CTNNA3: variants seen among roughly 807,000 people sequenced by gnomAD.
CTNNA3 encodes catenin alpha-3.
CTNNA3 carries 76 observed loss-of-function variants against 95.7 expected under a neutral mutation model. The ratio of observed to expected loss-of-function variants is 0.79; its 90% CI spans 0.66 to 0.96. The LOEUF is 0.96. CTNNA3 is among the 40% of genes least tolerant of loss of function. The probability of loss-of-function intolerance (pLI) is 0.00; values close to 1 mark genes in which losing one functional copy is unlikely to be tolerated. For missense variants in CTNNA3, 1,191 were observed against 1,089.8 expected (o/e 1.09, Z -1.31); for synonymous variants, 431 against 374.4 (o/e 1.15, Z -1.74).
At chr10:66,316,681 C>T (rs988889314) in intron 12 of CTNNA3, among the ~76,000 whole-genome samples, 15 of 152,054 alleles carry the variant, frequency 9.9e-5, no homozygotes, top group African/African-American at 3.6e-4. Flanking sequence ...GCGAATTCCA[C>T]ACAGACAGTG....
intron 10 of CTNNA3, among the ~76,000 whole-genome samples, chr10:66,551,918 T>TC (rs1842230793): frequency 7.2e-6 from 1 of 139,306 alleles, no homozygotes; most frequent in South Asian, 2.3e-4. Flanking sequence ...TTTTTTTTTT[T>TC]CTGAGACAGA....
chr10:66,225,659 T>G (rs2089245121), intron 13 of CTNNA3, among the ~76,000 whole-genome samples: 1 of 151,718 alleles, frequency 6.6e-6, no homozygotes, highest in Non-Finnish European at 1.5e-5. Flanking sequence ...CATTATACTA[T>G]TTTTCAAAAT....
chr10:67,245,952 C>T (rs79205892), intron 5 of CTNNA3, among the ~76,000 whole-genome samples: 2,608 of 151,738 alleles, frequency 0.017, 79 homozygotes, highest in African/African-American at 0.058. Flanking sequence ...TCCCTTTTGG[C>T]TCTCATTCTA....
At chr10:66,423,344 C>T (rs763299962) in intron 11 of CTNNA3, among the ~76,000 whole-genome samples, 1 of 151,868 alleles carries the variant, frequency 6.6e-6, no homozygotes, top group Non-Finnish European at 1.5e-5. Flanking sequence ...CGTATTTAGT[C>T]TTAAAATAAT....
At chr10:67,296,999 TAGTC>T (rs2132484598) in intron 5 of CTNNA3, among the ~76,000 whole-genome samples, 1 of 119,844 alleles carries the variant, frequency 8.3e-6, no homozygotes, top group East Asian at 2.9e-4. Flanking sequence ...GCAAATTAAA[TAGTC>T]AGCAACTTGT....
chr10:66,400,640 T>C (rs965429466), intron 11 of CTNNA3, among the ~76,000 whole-genome samples: 1 of 152,146 alleles, frequency 6.6e-6, no homozygotes, highest in East Asian at 1.9e-4. Context: ...GGAAACAAAA[T>C]CTCTGGTAGC....
chr10:67,427,629 ATAAAG>A (rs1187771792), intron 5 of CTNNA3, among the ~76,000 whole-genome samples: 1 of 152,080 alleles, frequency 6.6e-6, no homozygotes, highest in African/African-American at 2.4e-5. Flanking sequence ...TAATTCTTAT[ATAAAG>A]TAAACTAAGA....
chr10:66,259,785 T>C (rs890590381), intron 13 of CTNNA3, among the ~76,000 whole-genome samples: 2 of 152,172 alleles, frequency 1.3e-5, no homozygotes, highest in Admixed American at 6.6e-5. Context: ...TGTATTTGTG[T>C]AAAATATTAT....
At chr10:67,596,951 T>C (rs1842949966) in intron 3 of CTNNA3, among the ~76,000 whole-genome samples, 2 of 152,214 alleles carry the variant, frequency 1.3e-5, no homozygotes, top group South Asian at 4.1e-4. Flanking sequence ...TCTCAGAGGT[T>C]TTCTCCTTTT....
At chr10:66,847,856 A>C (rs1843336319) in intron 7 of CTNNA3, among the ~76,000 whole-genome samples, 1 of 152,180 alleles carries the variant, frequency 6.6e-6, no homozygotes, top group Non-Finnish European at 1.5e-5. Flanking sequence ...TCAATTCTAA[A>C]ATGTATTAGG....
intron 5 of CTNNA3, among the ~76,000 whole-genome samples, chr10:67,499,661 G>A (rs571326094): frequency 6.6e-6 from 1 of 152,270 alleles, no homozygotes; most frequent in East Asian, 1.9e-4. Context: ...TTAGTCTTGG[G>A]AGGGCGTATG....
intron 7 of CTNNA3, among the ~76,000 whole-genome samples, chr10:67,148,789 C>CAGTA (rs1312731715): frequency 2.0e-5 from 3 of 152,124 alleles, no homozygotes; most frequent in African/African-American, 7.2e-5. Context: ...ATAAAGCTTG[C>CAGTA]AGTAAGCATT....
At chr10:66,606,258 T>G (rs1844118730) in intron 10 of CTNNA3, among the ~76,000 whole-genome samples, 1 of 152,062 alleles carries the variant, frequency 6.6e-6, no homozygotes, top group African/African-American at 2.4e-5. Flanking sequence ...CACAGAGGCG[T>G]CCAGATTCAC....
At chr10:67,169,147 C>T (rs1450470926) in intron 7 of CTNNA3, among the ~76,000 whole-genome samples, 1 of 152,084 alleles carries the variant, frequency 6.6e-6, no homozygotes, top group Non-Finnish European at 1.5e-5. Context: ...AAGACGCAAA[C>T]AAATGGAAAA....
At chr10:66,415,844 G>T (rs1401056699) in intron 11 of CTNNA3, among the ~76,000 whole-genome samples, 1 of 152,094 alleles carries the variant, frequency 6.6e-6, no homozygotes, top group African/African-American at 2.4e-5. Flanking sequence ...CTCAAAAAAA[G>T]TCCTTCCCTG....
intron 7 of CTNNA3, among the ~76,000 whole-genome samples, chr10:66,957,399 T>TATATATATGCATATATATATATGC (rs1564793793): frequency 1.9e-4 from 11 of 58,410 alleles, no homozygotes; most frequent in South Asian, 7.1e-4. Context: ...TATACATATA[T>TATATATATGCATATATATATATGC]ATATATATAT....
chr10:66,475,163 G>A (rs1347404569), intron 11 of CTNNA3, among the ~76,000 whole-genome samples: 1 of 151,928 alleles, frequency 6.6e-6, no homozygotes, highest in Non-Finnish European at 1.5e-5. Context: ...TAAGGCATTT[G>A]GAAAAGTACA....
At chr10:66,453,179 T>C (rs1208648150) in intron 11 of CTNNA3, among the ~76,000 whole-genome samples, 1 of 151,160 alleles carries the variant, frequency 6.6e-6, no homozygotes, top group Non-Finnish European at 1.5e-5. Context: ...ATCGTGCCAC[T>C]GTACTGCAGC....
chr10:67,302,933 T>C lies in CTNNA3; in HGVS notation c.580-83063A>G, dbSNP rs146281996. 8.1e-4 allele frequency among the ~76,000 whole-genome samples: 123 copies of C among 152,282 alleles called. 1 individual carries two copies. The highest frequency in any genetic ancestry group is 2.8e-3 in the African/African-American group (116 of 41,554). ...CTATAGGCAAGGGACAAGGAAAACA[T>C]AGGCTCTTTAAATGTGGTCTCTGAA... On this transcript the variant is annotated intron_variant, in intron 5 of 17. Coordinates refer to ENST00000433211, the MANE Select transcript of CTNNA3 (RefSeq NM_013266.4).
Sources: gnomAD v4.1 joint callset for allele counts (sites outside exome capture counted in the v4.1 genomes callset) on GRCh38, gnomAD v4.1.1 for gene constraint, MANE v1.5 for transcripts, NCBI Gene and HGNC (gene_info 2026-07-23, HGNC 2026-07-21) for gene names.